Variants in KCNQ3 observed in about 807,000 individuals in gnomAD.
The protein encoded by KCNQ3 is potassium voltage-gated channel subfamily KQT member 3.
Under a neutral mutation model 92.5 loss-of-function variants are expected in KCNQ3, and 30 were observed. The observed-to-expected ratio is 0.32, with a 90% CI of 0.24 to 0.44. The LOEUF (loss-of-function observed/expected upper bound fraction) is 0.44. Among genes scored for constraint, KCNQ3 ranks in the 20% least tolerant of loss-of-function variants. KCNQ3 has a pLI of 1.00. For missense variants in KCNQ3, 913 were observed against 1,140.3 expected, an observed-to-expected ratio of 0.80 and a Z score of 2.87; for synonymous variants, 450 against 468.8, an observed-to-expected ratio of 0.96 and a Z score of 0.52.
chr8:132,418,238 T>C (rs767450936), intron 1 of KCNQ3, among the ~76,000 whole-genome samples: 3 of 152,130 alleles, frequency 2.0e-5, no homozygotes, highest in East Asian at 1.9e-4. Context: ...ACTCAGACCA[T>C]AGGCTTTCTG....
chr8:132,378,954 T>C (rs991618518), intron 1 of KCNQ3, among the ~76,000 whole-genome samples: 3 of 152,220 alleles, frequency 2.0e-5, no homozygotes, highest in African/African-American at 7.2e-5. Flanking sequence ...AACTCACAGT[T>C]GACTTCAGAA....
At chr8:132,323,104 G>A (rs1817941565) in intron 1 of KCNQ3, among the ~76,000 whole-genome samples, 1 of 152,142 alleles carries the variant, frequency 6.6e-6, no homozygotes, top group Admixed American at 6.6e-5. Flanking sequence ...AGCAGGGAAG[G>A]CAGTTCACAT....
chr8:132,368,578 C>T (rs1448449784), intron 1 of KCNQ3, among the ~76,000 whole-genome samples: 1 of 151,616 alleles, frequency 6.6e-6, no homozygotes, highest in Non-Finnish European at 1.5e-5. Context: ...ACTTGGGCCC[C>T]GGGGGTCAAG....
At position 132,129,941 on chromosome 8, in the gene KCNQ3, A is replaced by G. The variant is rs776502444; in HGVS notation, c.1940T>C (p.Met647Thr). ...DFLVDMHMQH[M>T]ERLQVQVTEY... Reference sequence around the variant, plus strand: ...CGTGACCTGCACCTGCAACCGTTCCATGTGTTGCATGTGCATATCCACGAG... The same window carrying G: ...CGTGACCTGCACCTGCAACCGTTCCGTGTGTTGCATGTGCATATCCACGAG... The change falls in exon 15 of 15, where the codon ATG (methionine) becomes ACG (threonine). Residue 647 changes from methionine to threonine, a missense_variant. Met to Thr is a moderately conservative substitution (Grantham distance 81). Around this residue, in one of 6 missense-constraint regions of KCNQ3, gnomAD observed 375 missense variants for 376.4 expected, o/e 1.00. Transcript: ENST00000388996. This position sits in a 1 kb window ranked among gnomAD's most constrained non-coding sequence, Gnocchi z 5.9. 1.7e-5 allele frequency: 28 copies of G among 1,614,112 alleles called. No homozygotes were observed. Among genetic ancestry groups the G allele is most frequent in the Non-Finnish European group, 2.3e-5 (27 of 1,180,028 alleles).
chr8:132,393,442 C>T (rs73345981), intron 1 of KCNQ3, among the ~76,000 whole-genome samples: 2,055 of 152,254 alleles, frequency 0.013, 60 homozygotes, highest in African/African-American at 0.047. Context: ...AAAGCTGCCA[C>T]GGACAACATG....
intron 1 of KCNQ3, among the ~76,000 whole-genome samples, chr8:132,293,999 G>GTGTGTGTGTGTGTTTTTTTGTTGTTGTT (rs61040125): frequency 2.3e-5 from 2 of 87,782 alleles, no homozygotes; most frequent in African/African-American, 6.8e-5. Flanking sequence ...GTGTGTGTGT[G>GTGTGTGTGTGTGTTTTTTTGTTGTTGTT]GTTTTTTTTT....
chr8:132,182,419 G>T (rs73356919), intron 3 of KCNQ3, among the ~76,000 whole-genome samples: 3,651 of 152,338 alleles, frequency 0.024, 138 homozygotes, highest in African/African-American at 0.079. Flanking sequence ...CATTGTGGAA[G>T]AATTGGATAT....
chr8:132,357,305 G>A (rs146186317), intron 1 of KCNQ3, among the ~76,000 whole-genome samples: 31 of 152,338 alleles, frequency 2.0e-4, no homozygotes, highest in Admixed American at 5.2e-4. Context: ...GAAGTGAGCC[G>A]GTAGAGGAAG....
intron 1 of KCNQ3, among the ~76,000 whole-genome samples, chr8:132,266,868 T>C (rs1815998733): frequency 6.6e-6 from 1 of 152,202 alleles, no homozygotes; most frequent in Non-Finnish European, 1.5e-5. Flanking sequence ...ACAAGATGAA[T>C]ACTGGGTCTC....
chr8:132,187,473 C>T (rs1827006897), intron 1 of KCNQ3, among the ~76,000 whole-genome samples: 2 of 152,304 alleles, frequency 1.3e-5, no homozygotes, highest in South Asian at 2.1e-4. Context: ...GATCTTCAGA[C>T]CTGAATCTTT....
At chr8:132,198,139 G>A (rs547854339) in intron 1 of KCNQ3, among the ~76,000 whole-genome samples, 1 of 152,190 alleles carries the variant, frequency 6.6e-6, no homozygotes. Context: ...TGCTGGCTTT[G>A]AAGTTGCTGT....
At chr8:132,275,222 A>G (rs148156217) in intron 1 of KCNQ3, among the ~76,000 whole-genome samples, 2,788 of 152,320 alleles carry the variant, frequency 0.018, 37 homozygotes, top group Non-Finnish European at 0.023. Context: ...ATAAATATCT[A>G]GGAAATGAGG....
chr8:132,450,260 CAG>C (rs1260353376), intron 1 of KCNQ3, among the ~76,000 whole-genome samples: 1 of 152,054 alleles, frequency 6.6e-6, no homozygotes, highest in Non-Finnish European at 1.5e-5. Flanking sequence ...GTCCATTTTA[CAG>C]AGTGTTGATT....
Position 132,276,710 on chromosome 8 carries a change from C to G in KCNQ3, c.387-90529G>C, listed in dbSNP as rs17597830. Among the ~76,000 whole-genome samples the G allele has an allele frequency of 5.2e-3, 786 of 152,268 alleles. 2 individuals carry two copies. The highest frequency in any genetic ancestry group is 8.3e-3 in the Non-Finnish European group (562 of 68,026). On this transcript the variant is annotated intron_variant, in intron 1 of 14. Coordinates refer to ENST00000388996, the MANE Select transcript of KCNQ3 (RefSeq NM_004519.4). ...ATCCTCCATGGTCAGCACCATCCAC[C>G]CCAAGACTGAATGCCATGAAGAGTA...
chr8:132,335,580 C>A (rs189971316), intron 1 of KCNQ3, among the ~76,000 whole-genome samples: 16 of 152,280 alleles, frequency 1.1e-4, no homozygotes, highest in South Asian at 2.1e-4. Flanking sequence ...CAGAGCCCAG[C>A]AAAGGTTGGG....
chr8:132,187,753 G>A (rs545609324), intron 1 of KCNQ3, among the ~76,000 whole-genome samples: 4 of 149,176 alleles, frequency 2.7e-5, no homozygotes, highest in African/African-American at 1.0e-4. Flanking sequence ...GGTGGTGGTG[G>A]TAGTGATGAT....
intron 1 of KCNQ3, among the ~76,000 whole-genome samples, chr8:132,283,102 T>TGTGTGTGTGTGTGTGTGTGTATGTGTG (rs1554640533): frequency 5.9e-5 from 9 of 151,730 alleles, no homozygotes; most frequent in African/African-American, 2.2e-4. Flanking sequence ...CGTGTGTGTG[T>TGTGTGTGTGTGTGTGTGTGTATGTGTG]GTGTGTGTGT....
At chr8:132,136,058 G>T (rs984928693) in intron 12 of KCNQ3, among the ~76,000 whole-genome samples, 13 of 136,734 alleles carry the variant, frequency 9.5e-5, no homozygotes, top group Non-Finnish European at 1.8e-4. Context: ...GGCAGAGGTT[G>T]CAGTGAGCCG....
intron 1 of KCNQ3, among the ~76,000 whole-genome samples, chr8:132,379,512 C>G (rs540485549): frequency 4.6e-5 from 7 of 152,274 alleles, no homozygotes; most frequent in African/African-American, 1.7e-4. Context: ...GCTACCCTCC[C>G]ACTGATGCCC....
Sources: allele counts gnomAD v4.1 joint callset (sites outside exome capture counted in the v4.1 genomes callset), GRCh38; gene constraint gnomAD v4.1.1; regional missense constraint gnomAD v4.1.1; non-coding constraint Gnocchi (gnomAD v3.1); transcripts MANE v1.5; gene names NCBI Gene and HGNC (gene_info 2026-07-23, HGNC 2026-07-21).